Variants in LRRK1 observed in about 807,000 individuals in gnomAD.
LRRK1 encodes the protein leucine rich repeat kinase 1, also known as leucine-rich repeat serine/threonine-protein kinase 1.
In LRRK1, 113 loss-of-function variants were observed where a neutral mutation model predicts 209.1. The ratio of observed to expected loss-of-function variants is 0.54; its 90% confidence interval spans 0.46 to 0.63. The LOEUF is 0.63. Ranked by LOEUF, LRRK1 falls within the 30% of genes least tolerant of loss-of-function variation. The pLI, the probability that LRRK1 is intolerant of heterozygous loss-of-function variation, is 0.00. For synonymous variants in LRRK1, 1,144 were observed against 1,099.7 expected (o/e 1.04, Z -0.80); for missense variants, 2,284 against 2,632.2 (o/e 0.87, Z 2.89).
In LRRK1 at chr15:101,058,139, C is replaced by G. The variant is rs770095107; in HGVS notation, c.4677C>G (p.Ser1559=). 2.2e-5 allele frequency: 35 copies of G among 1,613,878 alleles called. No homozygotes were observed. The highest frequency in any genetic ancestry group is 2.6e-5 in the Non-Finnish European group (31 of 1,179,996). ...TVVFWDGKEE[S]RNYTVVNTEK... The stretch of plus-strand genomic sequence containing the variant: ...TGTTTTGGGATGGAAAAGAGGAGTC[C>G]AGGTAAGCTCCTGCGGGCTGCCCTG... Residue 1559 remains serine, a splice_region_variant and synonymous_variant, in exon 29 of 34, where the codon TCC becomes TCG. Coordinates refer to ENST00000388948, the MANE Select transcript of LRRK1 (RefSeq NM_024652.6).
At position 101,022,562 on chromosome 15, in the gene LRRK1, T is replaced by G. The variant is rs1235154576; in HGVS notation, c.2032T>G (p.Trp678Gly). ...AGAGGCCACCATCAGGACCACCAAGTGGGAGCTCCAGAGGCCGGCTGGCTC... is the reference window on the plus strand; with the variant it reads ...AGAGGCCACCATCAGGACCACCAAGGGGGAGCTCCAGAGGCCGGCTGGCTC... Reference protein sequence around the residue: ...HGEATIRTTKWELQRPAGSRA... With the variant: ...HGEATIRTTKGELQRPAGSRA... Residue 678 changes from tryptophan (W) to glycine (G), a missense_variant, in exon 15 of 34, where the codon TGG (tryptophan) becomes GGG (glycine). Trp to Gly is a radical substitution (Grantham distance 184, BLOSUM62 -2). Coordinates refer to ENST00000388948, the MANE Select transcript of LRRK1 (RefSeq NM_024652.6). The surrounding 1 kb of genome is among the most constrained non-coding windows in gnomAD (Gnocchi z 4.0). 6.2e-7 allele frequency: 1 copy of G among 1,613,400 alleles called. No homozygotes were observed. Among genetic ancestry groups the G allele is most frequent in the East Asian group, 2.2e-5 (1 of 44,866 alleles).
intron 2 of LRRK1, among the ~76,000 whole-genome samples, chr15:100,948,797 CA>C (rs955477969): frequency 3.3e-5 from 5 of 151,816 alleles, no homozygotes; most frequent in South Asian, 2.1e-4. Flanking sequence ...GAAGAAATCA[CA>C]AAAAAACAGA....
At chr15:101,010,982 G>A (rs573949785) in intron 9 of LRRK1, 145 bp downstream of exon 9, 9 of 695,848 alleles carry the variant, frequency 1.3e-5, no homozygotes, top group Middle Eastern at 4.1e-4. Flanking sequence ...TGTAAGCATC[G>A]TCACTCAGCA....
chr15:100,933,027 C>T (rs1280259338), intron 2 of LRRK1, among the ~76,000 whole-genome samples: 5 of 152,222 alleles, frequency 3.3e-5, no homozygotes, highest in Non-Finnish European at 5.9e-5. Context: ...CCACCCAGGA[C>T]TCTTACTTTG....
At chr15:100,994,805 GCAACAGCACATTC>G (rs1243396384) in intron 6 of LRRK1, among the ~76,000 whole-genome samples, 1 of 152,144 alleles carries the variant, frequency 6.6e-6, no homozygotes, top group African/African-American at 2.4e-5. Flanking sequence ...TCTCTAACCT[GCAACAGCACATTC>G]CTTCGGTGCT....
chr15:101,001,987 A>C (rs950141110), intron 6 of LRRK1, among the ~76,000 whole-genome samples: 1 of 152,212 alleles, frequency 6.6e-6, no homozygotes, highest in Non-Finnish European at 1.5e-5. Flanking sequence ...ACCTGTGTGC[A>C]TATGTCACAG....
intron 2 of LRRK1, among the ~76,000 whole-genome samples, chr15:100,954,389 A>G (rs904268670): frequency 3.9e-5 from 6 of 152,154 alleles, no homozygotes; most frequent in African/African-American, 1.4e-4. Flanking sequence ...TTCTTTACAC[A>G]TTTTGAATAT....
At chr15:101,038,290 G>C (rs1451540286) in intron 20 of LRRK1, among the ~76,000 whole-genome samples, 2 of 152,186 alleles carry the variant, frequency 1.3e-5, no homozygotes, top group East Asian at 3.8e-4. Context: ...GGTGATGGGA[G>C]TGCCAAAATC....
chr15:100,976,581 A>G (rs1393913031), intron 3 of LRRK1, among the ~76,000 whole-genome samples: 2 of 152,262 alleles, frequency 1.3e-5, no homozygotes, highest in Non-Finnish European at 2.9e-5. Context: ...CTAGGAAGGT[A>G]CTAGGAATGT....
At chr15:101,019,076 T>G (rs1172306241) in intron 12 of LRRK1, among the ~76,000 whole-genome samples, 1 of 152,212 alleles carries the variant, frequency 6.6e-6, no homozygotes, top group Non-Finnish European at 1.5e-5. Flanking sequence ...AATAAATAAT[T>G]ACAGTTCTTA....
At chr15:101,011,474 C>CAA (rs35220453) in intron 9 of LRRK1, among the ~76,000 whole-genome samples, 26 of 78,134 alleles carry the variant, frequency 3.3e-4, no homozygotes, top group African/African-American at 1.2e-3. Context: ...GACTCTGTCT[C>CAA]AAAAAAAAAA....
intron 24 of LRRK1, 114 bp downstream of exon 24, chr15:101,052,074 G>T (rs1454579781): frequency 4.0e-6 from 5 of 1,248,906 alleles, no homozygotes; most frequent in Non-Finnish European, 5.5e-6. Flanking sequence ...AGGTGCCCCG[G>T]CCATGGCTTC....
intron 15 of LRRK1, among the ~76,000 whole-genome samples, chr15:101,023,637 T>A (rs144054870): frequency 6.6e-6 from 1 of 152,332 alleles, no homozygotes; most frequent in East Asian, 1.9e-4. Context: ...GAGATCCAGA[T>A]GGTCCATGAT....
intron 9 of LRRK1, among the ~76,000 whole-genome samples, chr15:101,011,346 C>T (rs887810794): frequency 4.0e-5 from 6 of 150,976 alleles, no homozygotes; most frequent in East Asian, 3.9e-4. Flanking sequence ...CGTGGTGGCA[C>T]GTGGCTGTAG....
chr15:101,027,323 C>G lies in LRRK1; in HGVS notation c.2468C>G (p.Thr823Arg). ...CTGCGACAGCTGATTTTCCACGTCA[C>G]GTGCAGCATGAAGGACGTGGGCAGC... is the stretch of plus-strand genomic sequence containing the variant. ...EGLRQLIFHV[T>R]CSMKDVGSTI... Residue 823 changes from threonine (T) to arginine (R), a missense_variant, in exon 18 of 34, where the codon ACG becomes AGG. Coordinates refer to ENST00000388948, the MANE Select transcript of LRRK1 (RefSeq NM_024652.6). The surrounding 1 kb of genome is among the most constrained non-coding windows in gnomAD (Gnocchi z 5.1). The G allele has an allele frequency of 6.2e-7, 1 of 1,614,092 alleles. No individual in the cohort carries two copies. Among genetic ancestry groups the G allele is most frequent in the Non-Finnish European group, 8.5e-7 (1 of 1,180,006 alleles).
rs781480132 is a variant in LRRK1 at position 101,014,254 on chromosome 15, C to G, written c.1420-62C>G. ...GTTGGGAACTGACTGGCTCTTCAGTCTCCCCTCCCTTCTTGTATCTGATGC... is the reference window on the plus strand; with the variant it reads ...GTTGGGAACTGACTGGCTCTTCAGTGTCCCCTCCCTTCTTGTATCTGATGC... On this transcript the variant is annotated intron_variant, in intron 10 of 33. Transcript: ENST00000388948. The G allele has an allele frequency of 1.8e-4, 211 of 1,198,958 alleles. 1 individual carries two copies. The highest frequency in any genetic ancestry group is 3.8e-4 in the Middle Eastern group (2 of 5,200). The allele number at this position is 1,198,958 out of a possible 1,614,324, so 74.3% of individuals were successfully genotyped here. A position where few individuals can be genotyped will look rare whatever the true frequency, so the allele number is the denominator to read the frequency against.
chr15:100,930,516 CCCTCCCTGG>C (rs1226254360), intron 2 of LRRK1, among the ~76,000 whole-genome samples: 5 of 152,216 alleles, frequency 3.3e-5, no homozygotes, highest in African/African-American at 1.2e-4. Flanking sequence ...AGTCCTCACC[CCCTCCCTGG>C]CCTCCCCCAC....
intron 20 of LRRK1, among the ~76,000 whole-genome samples, chr15:101,036,267 G>A (rs1026681718): frequency 9.9e-5 from 15 of 152,036 alleles, no homozygotes; most frequent in Admixed American, 4.6e-4. Flanking sequence ...ATCACTCATC[G>A]AGAAAATATT....
chr15:101,006,524 T>C (rs1440993189), intron 6 of LRRK1, among the ~76,000 whole-genome samples: 1 of 152,240 alleles, frequency 6.6e-6, no homozygotes, highest in Non-Finnish European at 1.5e-5. Context: ...AAAATAGTTA[T>C]AAACCACATT....
Sources: gnomAD v4.1 joint callset for allele counts (sites outside exome capture counted in the v4.1 genomes callset) on GRCh38, gnomAD v4.1.1 for gene constraint, Gnocchi (gnomAD v3.1) non-coding constraint, MANE v1.5 for transcripts, NCBI Gene and HGNC (gene_info 2026-07-23, HGNC 2026-07-21) for gene names.